ZNF33B: variants seen among roughly 807,000 people sequenced by gnomAD.
ZNF33B encodes zinc finger protein 33B.
A neutral mutation model predicts 45.8 loss-of-function variants in ZNF33B; 29 were observed. That is an observed-to-expected ratio of 0.63 (90% CI 0.47 to 0.86). The LOEUF (loss-of-function observed/expected upper bound fraction) is 0.86. Ranked by LOEUF, ZNF33B falls within the 40% of genes least tolerant of loss-of-function variation. The pLI is 0.00. For synonymous variants in ZNF33B, 305 were observed against 307.8 expected (o/e 0.99, Z 0.10); for missense variants, 831 against 909.9 (o/e 0.91, Z 1.12).
intron 1 of ZNF33B, chr10:42,583,356 G>C: frequency 2.6e-6 from 1 of 385,400 alleles, no homozygotes. Flanking sequence ...AAACAAACAG[G>C]CATTCCAGAA....
chr10:42,614,171 G>A (rs1838218196), intron 4 of ZNF33B: 1 of 154,774 alleles, frequency 6.5e-6, no homozygotes, highest in African/African-American at 2.4e-5. Flanking sequence ...TTGATATAAT[G>A]TGACAAAAAA....
intron 4 of ZNF33B, among the ~76,000 whole-genome samples, chr10:42,598,149 C>T (rs1308065407): frequency 1.3e-5 from 2 of 152,198 alleles, no homozygotes; most frequent in Non-Finnish European, 2.9e-5. Context: ...ATCTACACTC[C>T]AAAGAATTCT....
At chr10:42,623,079 C>T (rs960159469) in intron 4 of ZNF33B, among the ~76,000 whole-genome samples, 3 of 152,100 alleles carry the variant, frequency 2.0e-5, no homozygotes, top group Non-Finnish European at 4.4e-5. Context: ...CAAGCCTGGC[C>T]AACATGGTGA....
At chr10:42,583,147 G>A (rs1316047746) in intron 1 of ZNF33B, 1 of 793,886 alleles carries the variant, frequency 1.3e-6, no homozygotes, top group Non-Finnish European at 2.2e-6. Flanking sequence ...AGCATGGTGA[G>A]AACAATATTT....
intron 4 of ZNF33B, among the ~76,000 whole-genome samples, chr10:42,607,463 G>A (rs769181717): frequency 7.2e-5 from 11 of 152,036 alleles, no homozygotes; most frequent in Non-Finnish European, 1.3e-4. Context: ...CACACTAAAA[G>A]CCCAGACTTC....
rs181317280 is a variant in ZNF33B, at chr10:42,591,322, C to A, written c.*1291G>T. Reference sequence around the variant, plus strand: ...CACTTACGCTGAAGGCTGGAGTGTTCACATATGTACCCCAGGCAGTTCATG... The same window carrying A: ...CACTTACGCTGAAGGCTGGAGTGTTAACATATGTACCCCAGGCAGTTCATG... On this transcript the variant is annotated 3_prime_UTR_variant, in exon 5 of 5. Transcript: ENST00000359467. The A allele has an allele frequency of 1.9e-5, 14 of 719,898 alleles. No homozygotes were observed. The Admixed American group carries it at 8.8e-4, about 45-fold the overall frequency. 44.6% of individuals were successfully genotyped at this position (719,898 alleles called of 1,614,324 possible).
At chr10:42,632,468 A>C in intron 2 of ZNF33B, 29 bp from the exon 3 acceptor site, 4 of 1,607,508 alleles carry the variant, frequency 2.5e-6, no homozygotes, top group Non-Finnish European at 3.4e-6. Flanking sequence ...GGTGGCATGA[A>C]AAAAGAAGTA....
At chr10:42,577,609 G>A (rs181710817) in intron 1 of ZNF33B, among the ~76,000 whole-genome samples, 268 of 151,980 alleles carry the variant, frequency 1.8e-3, no homozygotes, top group Middle Eastern at 3.4e-3. Context: ...CTCCTCACTT[G>A]ACAGAGAATT....
At chr10:42,611,761 T>A (rs1838105112) in intron 4 of ZNF33B, among the ~76,000 whole-genome samples, 1 of 152,086 alleles carries the variant, frequency 6.6e-6, no homozygotes, top group African/African-American at 2.4e-5. Flanking sequence ...AAAGGACACA[T>A]AACACAACTA....
At chr10:42,637,143 C>T (rs1839342941) in intron 1 of ZNF33B, among the ~76,000 whole-genome samples, 171 bp from the exon 2 acceptor site, 2 of 152,168 alleles carry the variant, frequency 1.3e-5, no homozygotes, top group South Asian at 2.1e-4. Context: ...TGAAAGAACA[C>T]CCTAATACAA....
Position 42,593,148 on chromosome 10 carries a change from C to T in ZNF33B, c.1802G>A (p.Arg601Lys), listed in dbSNP as rs201371527. The change falls in exon 5 of 5, where the codon AGA (arginine) becomes AAA (lysine). Residue 601 changes from arginine to lysine, a missense_variant. Transcript: ENST00000359467. ...ATAGGGTTTCTCCCCTGTATGTGTT[C>T]TATTATGTTTTGTTAGGTATGATTT... ...YNKSYLTKHNRTHTGEKPYEC... is the reference protein window; with the variant it reads ...YNKSYLTKHNKTHTGEKPYEC... 4.6e-5 allele frequency: 75 copies of T among 1,613,420 alleles called. No individual in the cohort carries two copies. Among genetic ancestry groups the T allele is most frequent in the African/African-American group, 1.3e-5 (1 of 74,754 alleles).
chr10:42,637,501 T>C (rs1839366068), intron 1 of ZNF33B, among the ~76,000 whole-genome samples: 1 of 152,196 alleles, frequency 6.6e-6, no homozygotes, highest in South Asian at 2.1e-4. Context: ...TTGATGTGTG[T>C]AGAAAAGTAG....
At chr10:42,609,038 A>T (rs1837987887) in intron 4 of ZNF33B, among the ~76,000 whole-genome samples, 1 of 152,210 alleles carries the variant, frequency 6.6e-6, no homozygotes, top group Non-Finnish European at 1.5e-5. Context: ...CATAAAACAA[A>T]AACGACTAAA....
intron 1 of ZNF33B, chr10:42,579,854 T>C (rs1836799769): frequency 6.5e-6 from 1 of 154,378 alleles, no homozygotes; most frequent in Non-Finnish European, 1.5e-5. Context: ...GAGTCTAGGA[T>C]ACAGGTGGGC....
chr10:42,580,849 G>C (rs1343286703), intron 1 of ZNF33B, among the ~76,000 whole-genome samples: 1 of 151,570 alleles, frequency 6.6e-6, no homozygotes, highest in Admixed American at 6.6e-5. Context: ...AGCTAAGATC[G>C]CGCCACTGCA....
intron 1 of ZNF33B, among the ~76,000 whole-genome samples, chr10:42,576,370 G>A (rs1836749764): frequency 6.6e-6 from 1 of 152,196 alleles, no homozygotes; most frequent in Non-Finnish European, 1.5e-5. Flanking sequence ...ATAAAAATAT[G>A]CAGATCTTGT....
intron 4 of ZNF33B, among the ~76,000 whole-genome samples, chr10:42,610,529 A>C (rs1260492522): frequency 1.3e-5 from 2 of 152,142 alleles, no homozygotes; most frequent in Non-Finnish European, 2.9e-5. Context: ...TAAGAGCAAA[A>C]CTCTGTTTCA....
At chr10:42,631,822 C>G (rs768547800) in intron 4 of ZNF33B, 107 bp downstream of exon 4, 1 of 897,918 alleles carries the variant, frequency 1.1e-6, no homozygotes, top group East Asian at 2.4e-5. Flanking sequence ...GTTAGGACCC[C>G]TATGGAGATG....
At chr10:42,594,726 C>A in intron 4 of ZNF33B, 27 bp from the exon 5 acceptor site, 1 of 1,522,956 alleles carries the variant, frequency 6.6e-7, no homozygotes, top group South Asian at 1.3e-5. Flanking sequence ...TTAATCTTAC[C>A]ATATAAATAC....
Sources: allele counts gnomAD v4.1 joint callset (sites outside exome capture counted in the v4.1 genomes callset), GRCh38; gene constraint gnomAD v4.1.1; transcripts MANE v1.5; gene names NCBI Gene and HGNC (gene_info 2026-07-23, HGNC 2026-07-21).